SHOC1: variants seen among roughly 807,000 people sequenced by gnomAD.
The protein encoded by SHOC1 is protein shortage in chiasmata 1 ortholog.
In SHOC1, 136 loss-of-function variants were observed where a neutral mutation model predicts 179.2. That is an observed-to-expected ratio of 0.76 (90% CI 0.66 to 0.87). The LOEUF is 0.87. Among genes scored for constraint, SHOC1 ranks in the 40% least tolerant of loss-of-function variants. SHOC1 has a pLI of 0.00. For missense variants in SHOC1, 1,538 were observed against 1,700.8 expected (o/e 0.90, Z 1.68); for synonymous variants, 489 against 586.6 (o/e 0.83, Z 2.41).
chr9:111,768,743 G>A (rs1835454211), intron 5 of SHOC1, among the ~76,000 whole-genome samples: 1 of 152,068 alleles, frequency 6.6e-6, no homozygotes, highest in African/African-American at 2.4e-5. Context: ...CAATTTGAAT[G>A]CCCTTTATTT....
In SHOC1 at chr9:111,692,271, G is replaced by A. The variant is rs1447522400; in HGVS notation, c.3706C>T (p.Leu1236=). The change falls in exon 27 of 28, where the codon CTA becomes TTA. Residue 1236 remains leucine (L), a synonymous_variant. Coordinates refer to ENST00000682961, the MANE Select transcript of SHOC1 (RefSeq NM_001378211.1). ...ILNDNSSIME[L]KEISSFLPPV... ...GGTAAAAAACTTGAGATTTCTTTTA[G>A]TTCCATAATGGAAGAGTTGTCATTC... The A allele has an allele frequency of 1.9e-5, 31 of 1,613,410 alleles. No individual in the cohort carries two copies. Among genetic ancestry groups the A allele is most frequent in the African/African-American group, 2.7e-5 (2 of 74,896 alleles).
rs1833361403 is a variant in SHOC1, at chr9:111,727,677, G to C, written c.1790C>G (p.Thr597Ser). The change falls in exon 13 of 28, where the codon ACT becomes AGT. Residue 597 changes from threonine to serine, a missense_variant. Transcript: ENST00000682961. ...TGTGACTTCAGTCTTTGAGGTGCAA[G>C]TCTTATATTTATTTCGCAGCATAAT... ...DFIMLRNKYK[T>S]CTSKTEVTNS... The C allele has an allele frequency of 6.2e-7, 1 of 1,603,180 alleles. No homozygotes were observed. The highest frequency in any genetic ancestry group is 1.1e-5 in the South Asian group (1 of 88,172).
Position 111,698,269 on chromosome 9 carries a change from T to C in SHOC1, c.3183+1685A>G, listed in dbSNP as rs572959788. ...GTTTTATTCGTGAAGTTGTTGCCCA[T>C]GCCTATGTCCTGAATGGTATTGCCT... On this transcript the variant is annotated intron_variant, in intron 24 of 27. Transcript: ENST00000682961. 1.2e-4 allele frequency among the ~76,000 whole-genome samples: 18 copies of C among 152,358 alleles called. 1 individual carries two copies. In the South Asian group the frequency reaches 3.1e-3, roughly 26 times the overall value.
At position 111,706,612 on chromosome 9, in the gene SHOC1, G is replaced by T; in HGVS notation, c.2693C>A (p.Pro898His). The change falls in exon 20 of 28, where the codon CCT becomes CAT. Residue 898 changes from proline (P) to histidine (H), a missense_variant. By Grantham distance (77) the Pro-to-His change is moderately conservative. Coordinates refer to ENST00000682961, the MANE Select transcript of SHOC1 (RefSeq NM_001378211.1). ...WTKHCKELNI[P>H]YMAFKVILPD... ...AAGAATCACTTTAAAGGCCATGTAA[G>T]GAATATTCAACTCTTTGCAGTGTTT... 1 of 1,597,294 alleles carries T rather than the reference G, an allele frequency of 6.3e-7. No individual in the cohort carries two copies. Among genetic ancestry groups the T allele is most frequent in the African/African-American group, 1.3e-5 (1 of 74,112 alleles).
rs568008887 is a variant in SHOC1 at position 111,724,365 on chromosome 9, T to C, written c.1835-454A>G. 5.3e-5 allele frequency among the ~76,000 whole-genome samples: 8 copies of C among 151,996 alleles called. No individual in the cohort carries two copies. The East Asian group carries it at 1.5e-3, about 29-fold the overall frequency. On this transcript the variant is annotated intron_variant, in intron 13 of 27. Coordinates refer to ENST00000682961, the MANE Select transcript of SHOC1 (RefSeq NM_001378211.1). ...TTTTCTTTTCTTTTTTTTAAGACAG[T>C]GTCTCCCTCTGTCACCCAGGCTGGA...
intron 27 of SHOC1, among the ~76,000 whole-genome samples, chr9:111,691,065 T>C (rs1831403355): frequency 1.3e-5 from 2 of 152,368 alleles, no homozygotes; most frequent in South Asian, 4.1e-4. Flanking sequence ...TATGCTTAAA[T>C]GTTCAGACAA....
chr9:111,784,224 G>A (rs907500773), intron 3 of SHOC1, among the ~76,000 whole-genome samples: 25 of 152,150 alleles, frequency 1.6e-4, no homozygotes, highest in Non-Finnish European at 3.1e-4. Context: ...TAATCTGGCC[G>A]AAGCACAGCT....
At chr9:111,784,918 G>T (rs1372329661) in intron 3 of SHOC1, among the ~76,000 whole-genome samples, 1 of 152,056 alleles carries the variant, frequency 6.6e-6, no homozygotes, top group African/African-American at 2.4e-5. Flanking sequence ...CCTCCCAAAG[G>T]CCCCACCTTC....
In SHOC1 at chr9:111,782,495, CCT is replaced by C. The variant is rs537680317; in HGVS notation, c.170-1480_170-1479del. On this transcript the variant is annotated intron_variant, in intron 3 of 27. Transcript: ENST00000682961. ...CTTTCAAAGAGTCTTGATTCTCTTG[CCT>C]CTCTTTCTCTTGTACTAACTTAGAA... Among the ~76,000 whole-genome samples the C allele has an allele frequency of 5.3e-5, 8 of 152,204 alleles. No individual in the cohort carries two copies. The South Asian group carries it at 1.7e-3, about 32-fold the overall frequency.
chr9:111,770,204 G>T (rs10981064), intron 5 of SHOC1, among the ~76,000 whole-genome samples: 1 of 151,796 alleles, frequency 6.6e-6, no homozygotes, highest in African/African-American at 2.4e-5. Flanking sequence ...ATACCCCATA[G>T]ATTTTGGTAT....
At chr9:111,748,806 TCCTTCCTTCCTCCCTC>T (rs372806166) in intron 8 of SHOC1, among the ~76,000 whole-genome samples, 2,237 of 111,144 alleles carry the variant, frequency 0.02, 65 homozygotes, top group African/African-American at 0.072. Context: ...CTTCCTTCCT[TCCTTCCTTCCTCCCTC>T]CCTTCCTCTC....
chr9:111,706,597 T>A lies in SHOC1; in HGVS notation c.2708A>T (p.Lys903Ile), dbSNP rs1359978834. ...TAAAACTGTGTCTGGAAGAATCACTTTAAAGGCCATGTAAGGAATATTCAA... is the reference window on the plus strand; with the variant it reads ...TAAAACTGTGTCTGGAAGAATCACTATAAAGGCCATGTAAGGAATATTCAA... ...KELNIPYMAF[K>I]VILPDTVLER... Residue 903 changes from lysine (K) to isoleucine (I), a missense_variant, in exon 20 of 28, where the codon AAA becomes ATA. Lys to Ile is a moderately radical substitution (Grantham distance 102). Coordinates refer to ENST00000682961, the MANE Select transcript of SHOC1 (RefSeq NM_001378211.1). The A allele has an allele frequency of 1.3e-6, 2 of 1,586,964 alleles. No individual in the cohort carries two copies. The highest frequency in any genetic ancestry group is 2.7e-5 in the African/African-American group (2 of 73,466).
chr9:111,706,026 C>G (rs1325411881), intron 20 of SHOC1, among the ~76,000 whole-genome samples: 1 of 152,042 alleles, frequency 6.6e-6, no homozygotes. Context: ...ATGGCAAGTA[C>G]TGAGAGAGAT....
chr9:111,691,363 T>A (rs1355843009), intron 27 of SHOC1, among the ~76,000 whole-genome samples, 188 bp downstream of exon 27: 1 of 152,230 alleles, frequency 6.6e-6, no homozygotes, highest in Non-Finnish European at 1.5e-5. Flanking sequence ...CTTAAGGTTA[T>A]AATAATTTAA....
intron 5 of SHOC1, among the ~76,000 whole-genome samples, chr9:111,775,585 A>G (rs757006259): frequency 2.5e-4 from 38 of 152,196 alleles, no homozygotes; most frequent in Non-Finnish European, 5.1e-4. Flanking sequence ...TTTGAGGCCC[A>G]GCAAATTAAA....
At chr9:111,701,990 A>G (rs1436406949) in intron 23 of SHOC1, 115 bp downstream of exon 23, 3 of 722,186 alleles carry the variant, frequency 4.2e-6, no homozygotes, top group African/African-American at 3.7e-5. Flanking sequence ...AAAATCCTTG[A>G]CTTAAAGCAA....
At chr9:111,784,455 A>C (rs1365304891) in intron 3 of SHOC1, among the ~76,000 whole-genome samples, 1 of 152,206 alleles carries the variant, frequency 6.6e-6, no homozygotes, top group African/African-American at 2.4e-5. Context: ...GTAATATTTT[A>C]TCCAGAGTTT....
In SHOC1 at chr9:111,768,707, C is replaced by A. The variant is rs113347287; in HGVS notation, c.442+7084G>T. Reference sequence around the variant, plus strand: ...GCTATAACATCATGTTATCTACAAACAAGGCTAATTTGATTTCTTCCTTTC... The same window carrying A: ...GCTATAACATCATGTTATCTACAAAAAAGGCTAATTTGATTTCTTCCTTTC... On this transcript the variant is annotated intron_variant, in intron 5 of 27. Coordinates refer to ENST00000682961, the MANE Select transcript of SHOC1 (RefSeq NM_001378211.1). Among the ~76,000 whole-genome samples, 11 of 152,272 alleles carry A rather than the reference C, an allele frequency of 7.2e-5. 1 individual carries two copies. The highest frequency in any genetic ancestry group is 1.2e-4 in the Non-Finnish European group (8 of 68,008).
chr9:111,784,649 G>C (rs887229020), intron 3 of SHOC1, among the ~76,000 whole-genome samples: 2 of 152,100 alleles, frequency 1.3e-5, no homozygotes, highest in Admixed American at 6.5e-5. Flanking sequence ...GTCTTAGTCA[G>C]TCTATATAGC....
Sources: allele counts gnomAD v4.1 joint callset (sites outside exome capture counted in the v4.1 genomes callset), GRCh38; gene constraint gnomAD v4.1.1; transcripts MANE v1.5; gene names NCBI Gene and HGNC (gene_info 2026-07-23, HGNC 2026-07-21).